CDK19: variants seen among roughly 807,000 people sequenced by gnomAD.
The protein encoded by CDK19 is cyclin dependent kinase 19.
In CDK19, 20 loss-of-function variants were observed where a neutral mutation model predicts 68.3. That is an observed-to-expected ratio of 0.29 (90% CI 0.21 to 0.43). The LOEUF is 0.43. Among genes scored for constraint, CDK19 ranks in the 20% least tolerant of loss-of-function variants. The probability of loss-of-function intolerance (pLI) is 1.00; values close to 1 mark genes in which losing one functional copy is unlikely to be tolerated. For missense variants in CDK19, 339 were observed against 623.5 expected (o/e 0.54, Z 4.86); for synonymous variants, 221 against 222.8 (o/e 0.99, Z 0.07).
At chr6:110,722,279 T>A (rs1307088263) in intron 2 of CDK19, 3 of 152,118 alleles carry the variant, frequency 2.0e-5, no homozygotes, top group Non-Finnish European at 2.9e-5. Context: ...CAAATTTGCA[T>A]GTCATCTTTG....
chr6:110,704,163 C>G (rs571700943), intron 2 of CDK19, among the ~76,000 whole-genome samples: 5 of 152,134 alleles, frequency 3.3e-5, no homozygotes, highest in Non-Finnish European at 5.9e-5. Context: ...TTGGTCAAGA[C>G]AGATAACTCC....
At chr6:110,646,807 T>G (rs923258616) in intron 4 of CDK19, among the ~76,000 whole-genome samples, 4 of 151,866 alleles carry the variant, frequency 2.6e-5, no homozygotes, top group African/African-American at 7.3e-5. Context: ...GGGCAAACCT[T>G]GGAAGGCAGC....
At chr6:110,622,267 C>T (rs1778766120) in intron 10 of CDK19, 101 bp from the exon 11 acceptor site, 3 of 817,510 alleles carry the variant, frequency 3.7e-6, no homozygotes, top group South Asian at 3.5e-5. Context: ...CACTTATTTC[C>T]TACTCTTCAT....
chr6:110,704,441 T>C (rs1774270032), intron 2 of CDK19, among the ~76,000 whole-genome samples: 1 of 152,148 alleles, frequency 6.6e-6, no homozygotes, highest in African/African-American at 2.4e-5. Flanking sequence ...CCAACCCTTG[T>C]CTGCTTTTTA....
At chr6:110,670,875 A>G in intron 2 of CDK19, 1 of 417,898 alleles carries the variant, frequency 2.4e-6, no homozygotes, top group Non-Finnish European at 4.6e-6. Context: ...GTAATATCAT[A>G]TCATTAAATA....
intron 1 of CDK19, among the ~76,000 whole-genome samples, chr6:110,811,802 G>C (rs1399529526): frequency 6.6e-6 from 1 of 151,978 alleles, no homozygotes; most frequent in Non-Finnish European, 1.5e-5. Flanking sequence ...GAAGCCAGGA[G>C]TTCAAGACCA....
chr6:110,779,938 G>A, intron 1 of CDK19, among the ~76,000 whole-genome samples: 1 of 151,892 alleles, frequency 6.6e-6, no homozygotes, highest in Non-Finnish European at 1.5e-5. Context: ...ACAAAAGTTA[G>A]GCCAGGCGCA....
At chr6:110,659,668 G>C (rs1781499851) in intron 4 of CDK19, among the ~76,000 whole-genome samples, 1 of 152,174 alleles carries the variant, frequency 6.6e-6, no homozygotes, top group Non-Finnish European at 1.5e-5. Context: ...GACCTCAATT[G>C]AATATATCCT....
At chr6:110,711,559 A>G (rs1255080213) in intron 2 of CDK19, among the ~76,000 whole-genome samples, 1 of 151,884 alleles carries the variant, frequency 6.6e-6, no homozygotes, top group Non-Finnish European at 1.5e-5. Flanking sequence ...TGTAGCAAAA[A>G]GAAAAAAAAA....
intron 5 of CDK19, among the ~76,000 whole-genome samples, chr6:110,634,258 C>T (rs2114722501): frequency 6.6e-6 from 1 of 152,204 alleles, no homozygotes; most frequent in South Asian, 2.1e-4. Flanking sequence ...GCTCTGTTGC[C>T]CAGGCTGGAG....
chr6:110,646,134 A>C (rs1344313110), intron 4 of CDK19: 1 of 918,446 alleles, frequency 1.1e-6, no homozygotes, highest in East Asian at 2.6e-5. Context: ...CTCTGATGCT[A>C]ACACCTTCGG....
intron 2 of CDK19, among the ~76,000 whole-genome samples, chr6:110,732,697 C>A (rs1219415517): frequency 6.6e-6 from 1 of 152,128 alleles, no homozygotes; most frequent in Non-Finnish European, 1.5e-5. Context: ...TTACATACAG[C>A]AAAATGCACA....
chr6:110,768,561 T>C (rs1583057265), intron 1 of CDK19, among the ~76,000 whole-genome samples: 1 of 152,026 alleles, frequency 6.6e-6, no homozygotes, highest in Admixed American at 6.6e-5. Context: ...TAAAAAGAAA[T>C]GAGCTATCAA....
chr6:110,646,044 G>A (rs917405699), intron 4 of CDK19: 1 of 919,482 alleles, frequency 1.1e-6, no homozygotes, highest in Non-Finnish European at 1.7e-6. Context: ...CATCTACGAA[G>A]CTATCCCTTT....
In CDK19 at chr6:110,734,619, C is replaced by A. The variant is rs530628718; in HGVS notation, c.204+11507G>T. Among the ~76,000 whole-genome samples, 166 of 146,864 alleles carry A rather than the reference C, an allele frequency of 1.1e-3. 1 individual carries two copies. Among genetic ancestry groups the A allele is most frequent in the African/African-American group, 4.0e-3 (162 of 40,088 alleles). ...CAAATATCCTTCTACATTCTCCCTT[C>A]TCCACCTGGCTAGCCCCTATTAGGC... On this transcript the variant is annotated intron_variant, in intron 2 of 12. Coordinates refer to ENST00000368911, the MANE Select transcript of CDK19 (RefSeq NM_015076.5).
intron 2 of CDK19, among the ~76,000 whole-genome samples, chr6:110,671,905 G>A (rs1174729826): frequency 1.3e-5 from 2 of 152,122 alleles, no homozygotes; most frequent in East Asian, 3.9e-4. Context: ...AACCTCCTGA[G>A]TAGCTGGGAT....
At chr6:110,643,310 A>G (rs1257393092) in intron 4 of CDK19, 2 of 672,382 alleles carry the variant, frequency 3.0e-6, no homozygotes, top group Admixed American at 5.5e-5. Flanking sequence ...GGTAAGAACC[A>G]TAAAAGCTGA....
chr6:110,797,852 G>A (rs1782047172), intron 1 of CDK19, among the ~76,000 whole-genome samples: 1 of 152,010 alleles, frequency 6.6e-6, no homozygotes, highest in Non-Finnish European at 1.5e-5. Context: ...AGGTGTGGTA[G>A]TGCATGCCTG....
chr6:110,772,415 C>T (rs1780085462), intron 1 of CDK19, among the ~76,000 whole-genome samples: 2 of 152,150 alleles, frequency 1.3e-5, no homozygotes, highest in South Asian at 4.2e-4. Flanking sequence ...GTCCCTCCCA[C>T]AACACGTGGG....
Sources: allele counts gnomAD v4.1 joint callset (sites outside exome capture counted in the v4.1 genomes callset), GRCh38; gene constraint gnomAD v4.1.1; transcripts MANE v1.5; gene names NCBI Gene and HGNC (gene_info 2026-07-23, HGNC 2026-07-21).